The following LY6E variants were observed in gnomAD, a reference collection of about 807,000 sequenced individuals.
LY6E encodes the protein lymphocyte antigen 6 family member E.
A neutral mutation model predicts 7.7 loss-of-function variants in LY6E; 4 were observed. The observed-to-expected ratio is 0.52, with a 90% confidence interval of 0.25 to 1.18. The LOEUF (loss-of-function observed/expected upper bound fraction) is 1.18, where lower values mean the gene tolerates loss of function less well. Among genes scored for constraint, LY6E ranks in the 50% most tolerant of loss-of-function variants. LY6E has a pLI of 0.14. For synonymous variants in LY6E, 81 were observed against 80.1 expected (o/e 1.01, Z -0.06); for missense variants, 156 against 168.0 (o/e 0.93, Z 0.40).
chr8:143,019,742 C>T (rs1327243367), intron 1 of LY6E, among the ~76,000 whole-genome samples: 2 of 152,216 alleles, frequency 1.3e-5, no homozygotes, highest in African/African-American at 4.8e-5. Context: ...ATCCTCCTTA[C>T]CCCCAGTGCC....
intron 2 of LY6E, 143 bp downstream of exon 2, chr8:143,021,134 C>T: frequency 2.5e-6 from 3 of 1,223,294 alleles, no homozygotes; most frequent in Admixed American, 4.2e-5. Context: ...GCCACACTGT[C>T]TCACTGTGTG....
rs1351222637 is a variant in LY6E, at chr8:143,018,592, T to C, written c.-58+6T>C. The stretch of plus-strand genomic sequence containing the variant: ...GTACCTGCGTCCGCCCGGCGGTGAG[T>C]CCGCGGGCCCCCGGCCGGGACGCCC... On this transcript the variant is annotated splice_donor_region_variant and intron_variant, in intron 1 of 3. Transcript: ENST00000292494. The C allele has an allele frequency of 6.7e-6, 1 of 149,388 alleles. No individual in the cohort carries two copies. Among genetic ancestry groups the C allele is most frequent in the Non-Finnish European group, 1.5e-5 (1 of 66,994 alleles). 9.3% of individuals were successfully genotyped at this position (149,388 alleles called of 1,614,324 possible).
chr8:143,019,400 C>T (rs1050419435), intron 1 of LY6E, among the ~76,000 whole-genome samples: 4 of 152,222 alleles, frequency 2.6e-5, no homozygotes, highest in African/African-American at 4.8e-5. Flanking sequence ...CCTGGTGGCC[C>T]AGCGGGTTGG....
intron 1 of LY6E, among the ~76,000 whole-genome samples, chr8:143,019,507 C>T (rs1446848760): frequency 1.3e-5 from 2 of 152,200 alleles, no homozygotes; most frequent in Non-Finnish European, 2.9e-5. Flanking sequence ...CCCCCCACAC[C>T]AGAACCTCAC....
Position 143,020,961 on chromosome 8 carries a change from CT to C in LY6E, c.23del (p.Leu8ArgfsTer14), listed in dbSNP as rs1478483182. On this transcript the variant is annotated frameshift_variant, in exon 2 of 4. Coordinates refer to ENST00000292494, the MANE Select transcript of LY6E (RefSeq NM_002346.3). LOFTEE classifies it high-confidence loss of function. ...CAGAATGAAGATCTTCTTGCCAGTGCTGCTGGCTGCCCTTCTGGGTGTGGAG... is the reference window on the plus strand; with the variant it reads ...CAGAATGAAGATCTTCTTGCCAGTGCGCTGGCTGCCCTTCTGGGTGTGGAG... MKIFLPV[L>X]LAALLGVERA... The C allele has an allele frequency of 6.2e-7, 1 of 1,613,876 alleles. No homozygotes were observed. The highest frequency in any genetic ancestry group is 2.2e-5 in the East Asian group (1 of 44,902).
chr8:143,019,254 G>C (rs1586613541), intron 1 of LY6E: 1 of 152,268 alleles, frequency 6.6e-6, no homozygotes, highest in Non-Finnish European at 1.5e-5. Context: ...GCTTCCCTGA[G>C]CCTGGGGATG....
At position 143,020,999 on chromosome 8, in the gene LY6E, G is replaced by A. The variant is rs986849749; in HGVS notation, c.52+8G>A. ...TTCTGGGTGTGGAGCGAGGTGAGGTGCCCTTGGGGACCCCAGACCTTTGTC... is the reference window on the plus strand; with the variant it reads ...TTCTGGGTGTGGAGCGAGGTGAGGTACCCTTGGGGACCCCAGACCTTTGTC... On this transcript the variant is annotated splice_region_variant and intron_variant, in intron 2 of 3. Transcript: ENST00000292494. 2 of 1,598,554 alleles carry A rather than the reference G, an allele frequency of 1.3e-6. No homozygotes were observed. Among genetic ancestry groups the A allele is most frequent in the Admixed American group, 1.7e-5 (1 of 58,754 alleles).
chr8:143,022,095 C>A lies in LY6E; in HGVS notation c.*306C>A. ...GTCCCATGGACATGCTGACAGGGTCCCCAGGGAGACCGTGTCAGTAGGGAT... is the reference window on the plus strand; with the variant it reads ...GTCCCATGGACATGCTGACAGGGTCACCAGGGAGACCGTGTCAGTAGGGAT... On this transcript the variant is annotated 3_prime_UTR_variant, in exon 4 of 4. Transcript: ENST00000292494. The A allele has an allele frequency of 3.9e-6, 2 of 507,780 alleles. No individual in the cohort carries two copies. The highest frequency in any genetic ancestry group is 3.2e-5 in the East Asian group (1 of 30,850). The allele number at this position is 507,780 out of a possible 1,614,324, so 31.5% of individuals were successfully genotyped here.
At chr8:143,019,696 C>T (rs1038584881) in intron 1 of LY6E, among the ~76,000 whole-genome samples, 1 of 152,172 alleles carries the variant, frequency 6.6e-6, no homozygotes, top group African/African-American at 2.4e-5. Context: ...CCCTTAGGGC[C>T]TCTGCGGGCC....
Position 143,021,782 on chromosome 8 carries a change from GC to G in LY6E, c.393del (p.Ter132AspfsTer29). On this transcript the variant is annotated frameshift_variant, in exon 4 of 4. Transcript: ENST00000292494. LOFTEE classifies it high-confidence loss of function. The part of the protein sequence containing the change: ...LSLLPALLRF[G>X]P ...CTGCTGCCGGCCCTGCTGCGGTTTG[GC>G]CCCTGACCGCCCAGACCCTGTCCCC... 6.2e-7 allele frequency: 1 copy of G among 1,600,108 alleles called. No individual in the cohort carries two copies. Among genetic ancestry groups the G allele is most frequent in the Non-Finnish European group, 8.5e-7 (1 of 1,175,658 alleles).
rs539635638 is a variant in LY6E, at chr8:143,019,610, T to G, written c.-58+1024T>G. Among the ~76,000 whole-genome samples, 3 of 152,296 alleles carry G rather than the reference T, an allele frequency of 2.0e-5. No homozygotes were observed. In the South Asian group the frequency reaches 6.2e-4, roughly 32 times the overall value. ...TAGGCCCCAGCCGGACTTGGCACTG[T>G]TTTTGGCCACCTGGGGCTCCCACTC... is the stretch of plus-strand genomic sequence containing the variant. On this transcript the variant is annotated intron_variant, in intron 1 of 3. Coordinates refer to ENST00000292494, the MANE Select transcript of LY6E (RefSeq NM_002346.3).
chr8:143,021,516 T>A, intron 3 of LY6E, 50 bp from the exon 4 acceptor site: 1 of 1,612,520 alleles, frequency 6.2e-7, no homozygotes, highest in South Asian at 1.1e-5. Flanking sequence ...GCCATTGCTG[T>A]CTGTCTGCAG....
chr8:143,021,104 C>T (rs1819208863), intron 2 of LY6E, 113 bp downstream of exon 2: 1 of 1,323,614 alleles, frequency 7.6e-7, no homozygotes, highest in African/African-American at 1.4e-5. Flanking sequence ...CCGCTCCCAG[C>T]AGAGGGCTCA....
rs368130997 is a variant in LY6E at position 143,021,320 on chromosome 8, C to G, written c.59C>G (p.Ser20Trp). 3 of 1,613,368 alleles carry G rather than the reference C, an allele frequency of 1.9e-6. No individual in the cohort carries two copies. The highest frequency in any genetic ancestry group is 2.5e-6 in the Non-Finnish European group (3 of 1,179,936). Residue 20 changes from serine to tryptophan, a missense_variant, in exon 3 of 4, where the codon TCG becomes TGG. Physicochemically the swap from Ser to Trp is radical, Grantham distance 177. Transcript: ENST00000292494. ...AALLGVERAS[S>W]LMCFSCLNQK... ...GTGTGTCCTCCTTCCGCAGCCAGCT[C>G]GCTGATGTGCTTCTCCTGCTTGAAC...
At chr8:143,021,541 CCT>C (rs1156654107) in intron 3 of LY6E, 23 bp from the exon 4 acceptor site, 3 of 1,613,304 alleles carry the variant, frequency 1.9e-6, no homozygotes, top group South Asian at 2.2e-5. Context: ...CTGTCTCTCC[CCT>C]GACAGCCTCA....
chr8:143,021,408 G>T lies in LY6E; in HGVS notation c.147G>T (p.Val49=), dbSNP rs1217313048. The change falls in exon 3 of 4, where the codon GTG becomes GTT. Residue 49 remains valine (V), a synonymous_variant. Coordinates refer to ENST00000292494, the MANE Select transcript of LY6E (RefSeq NM_002346.3). The part of the protein sequence containing the change: ...TICSDQDNYC[V]TVSASAGIGN... ...GCTCCGACCAGGACAACTACTGCGT[G>T]ACTGTGTCTGCTAGTGCCGGCATTG... is the stretch of plus-strand genomic sequence containing the variant. 9 of 1,613,898 alleles carry T rather than the reference G, an allele frequency of 5.6e-6. No individual in the cohort carries two copies. Among genetic ancestry groups the T allele is most frequent in the African/African-American group, 1.3e-5 (1 of 74,932 alleles).
Position 143,021,451 on chromosome 8 carries a change from G to C in LY6E, c.172+18G>C. On this transcript the variant is annotated intron_variant, in intron 3 of 3. Coordinates refer to ENST00000292494, the MANE Select transcript of LY6E (RefSeq NM_002346.3). ...CGGCATTGGTGAGTGCCAGGCCTCA[G>C]ACCGTGCCTTCCTCCCCTGGCCATC... The C allele has an allele frequency of 6.2e-7, 1 of 1,613,902 alleles. No homozygotes were observed. Among genetic ancestry groups the C allele is most frequent in the Non-Finnish European group, 8.5e-7 (1 of 1,180,036 alleles).
chr8:143,018,615 C>T (rs1402946190), intron 1 of LY6E, 29 bp downstream of exon 1: 3 of 149,668 alleles, frequency 2.0e-5, no homozygotes, highest in African/African-American at 7.3e-5. Context: ...GGCCGGGACG[C>T]CCCCGCCACC....
At chr8:143,019,670 C>G (rs117809561) in intron 1 of LY6E, among the ~76,000 whole-genome samples, 1 of 152,198 alleles carries the variant, frequency 6.6e-6, no homozygotes, top group Admixed American at 6.5e-5. Flanking sequence ...TCTCACTGTC[C>G]TGGCCTGCTG....
Sources: gnomAD v4.1 joint callset for allele counts (sites outside exome capture counted in the v4.1 genomes callset) on GRCh38, gnomAD v4.1.1 for gene constraint, MANE v1.5 for transcripts, NCBI Gene and HGNC (gene_info 2026-07-23, HGNC 2026-07-21) for gene names.